ABCB5: variants seen among roughly 807,000 people sequenced by gnomAD.
ABCB5 encodes the protein ATP-binding cassette sub-family B member 5.
Under a neutral mutation model 144.2 loss-of-function variants are expected in ABCB5, and 155 were observed. The observed-to-expected ratio is 1.08, with a 90% CI of 0.94 to 1.23. The LOEUF (loss-of-function observed/expected upper bound fraction) is 1.23, where lower values mean the gene tolerates loss of function less well. Ranked by LOEUF, ABCB5 falls within the 50% of genes most tolerant of loss-of-function variation. The pLI is 0.00. For missense variants in ABCB5, 1,830 were observed against 1,520.8 expected, an observed-to-expected ratio of 1.20 and a Z score of -3.38; for synonymous variants, 610 against 528.6, an observed-to-expected ratio of 1.15 and a Z score of -2.11.
chr7:20,635,672 G>T (rs67238775), intron 5 of ABCB5, among the ~76,000 whole-genome samples: 5 of 151,896 alleles, frequency 3.3e-5, no homozygotes, highest in Admixed American at 1.3e-4. Context: ...TATTGTAAAT[G>T]GGATTGATTT....
At chr7:20,718,857 T>C (rs1214636609) in intron 20 of ABCB5, among the ~76,000 whole-genome samples, 15 of 152,100 alleles carry the variant, frequency 9.9e-5, no homozygotes, top group Non-Finnish European at 4.4e-5. Context: ...AATTACACCT[T>C]TTAAGGTGTA....
At chr7:20,709,656 G>A (rs62453367) in intron 20 of ABCB5, among the ~76,000 whole-genome samples, 34,583 of 149,638 alleles carry the variant, frequency 0.23, 6,257 homozygotes, top group Middle Eastern at 0.36. Context: ...TTCTAACCAC[G>A]TCACTGAGAT....
chr7:20,667,061 A>G (rs752444770), intron 14 of ABCB5: 1 of 546,002 alleles, frequency 1.8e-6, no homozygotes, highest in Non-Finnish European at 2.5e-6. Flanking sequence ...AGTACACTTG[A>G]TAGTACCTTG....
Position 20,753,078 on chromosome 7 carries a change from A to G in ABCB5, c.3430-282A>G, listed in dbSNP as rs138829726. Among the ~76,000 whole-genome samples the G allele has an allele frequency of 2.1e-3, 319 of 152,324 alleles. 5 individuals are homozygous for G. Among genetic ancestry groups the G allele is most frequent in the African/African-American group, 7.5e-3 (313 of 41,568 alleles). ...GTTTACTGTGAACTTGTTTCTTGCC[A>G]GTAATTTTTTTCTTATGCTTTAATT... On this transcript the variant is annotated intron_variant, in intron 26 of 27. Transcript: ENST00000404938.
At chr7:20,710,520 A>G (rs573644051) in intron 20 of ABCB5, among the ~76,000 whole-genome samples, 1 of 149,724 alleles carries the variant, frequency 6.7e-6, no homozygotes, top group Non-Finnish European at 1.5e-5. Flanking sequence ...TATAAAAAAC[A>G]TTCTTATCTT....
At chr7:20,703,970 C>T (rs1036148087) in intron 19 of ABCB5, among the ~76,000 whole-genome samples, 3 of 149,264 alleles carry the variant, frequency 2.0e-5, no homozygotes, top group African/African-American at 7.4e-5. Flanking sequence ...CAGGGAAAAT[C>T]TTTATTATAT....
At chr7:20,688,882 C>T (rs1302730730) in intron 16 of ABCB5, among the ~76,000 whole-genome samples, 1 of 151,886 alleles carries the variant, frequency 6.6e-6, no homozygotes, top group African/African-American at 2.4e-5. Flanking sequence ...AAACCAAACA[C>T]GGCATGTTCT....
chr7:20,681,358 C>T, intron 14 of ABCB5, 147 bp from the exon 15 acceptor site: 1 of 743,300 alleles, frequency 1.3e-6, no homozygotes, highest in Non-Finnish European at 2.1e-6. Flanking sequence ...AACTCGTGAC[C>T]TCAGGTGATC....
At chr7:20,738,753 A>G (rs183197804) in intron 23 of ABCB5, among the ~76,000 whole-genome samples, 1 of 152,290 alleles carries the variant, frequency 6.6e-6, no homozygotes, top group East Asian at 1.9e-4. Flanking sequence ...TGGAAGAGAC[A>G]TTTTTAAGAT....
At chr7:20,654,475 T>A (rs879608491) in intron 13 of ABCB5, among the ~76,000 whole-genome samples, 3 of 152,134 alleles carry the variant, frequency 2.0e-5, no homozygotes, top group Non-Finnish European at 4.4e-5. Flanking sequence ...AGAATATAGA[T>A]GAACAATACT....
rs758142743 is a variant in ABCB5, at chr7:20,647,626, A to T, written c.1073A>T (p.His358Leu). 1.3e-6 allele frequency: 2 copies of T among 1,575,194 alleles called. No homozygotes were observed. Among genetic ancestry groups the T allele is most frequent in the South Asian group, 1.2e-5 (1 of 85,776 alleles). Residue 358 changes from histidine (H) to leucine (L), a missense_variant, in exon 10 of 28, where the codon CAT (histidine) becomes CTT (leucine). Transcript: ENST00000404938. ...TFAIARGAAF[H>L]IFQVIDKKPS... ...GCAATAGCCCGAGGAGCTGCCTTTC[A>T]TATTTTCCAGGTTATTGATAAGGTA...
chr7:20,646,738 A>T (rs1784420769), intron 9 of ABCB5, among the ~76,000 whole-genome samples: 1 of 152,216 alleles, frequency 6.6e-6, no homozygotes, highest in Non-Finnish European at 1.5e-5. Context: ...TGTCTTGAGG[A>T]ACCAAAATGA....
At chr7:20,647,361 G>C (rs779227527) in intron 9 of ABCB5, 174 bp from the exon 10 acceptor site, 101 of 1,338,510 alleles carry the variant, frequency 7.5e-5, no homozygotes, top group Admixed American at 1.5e-4. Flanking sequence ...TCGGCCTTTT[G>C]GCTAAGATCA....
At chr7:20,634,323 T>G (rs932808138) in intron 5 of ABCB5, among the ~76,000 whole-genome samples, 5 of 151,904 alleles carry the variant, frequency 3.3e-5, no homozygotes, top group African/African-American at 4.8e-5. Flanking sequence ...GTTGAGTCCA[T>G]ATCTTTGCTA....
chr7:20,663,162 C>T (rs941260150), intron 14 of ABCB5, among the ~76,000 whole-genome samples: 1 of 152,166 alleles, frequency 6.6e-6, no homozygotes, highest in Non-Finnish European at 1.5e-5. Context: ...ATTACACTGC[C>T]GGGAGGTGGA....
intron 5 of ABCB5, among the ~76,000 whole-genome samples, chr7:20,635,435 T>C (rs181852985): frequency 2.2e-4 from 34 of 151,942 alleles, no homozygotes; most frequent in African/African-American, 7.7e-4. Flanking sequence ...TCTTTTCTAA[T>C]TCTGTGAAAA....
At position 20,713,307 on chromosome 7, in the gene ABCB5, C is replaced by A. The variant is rs1211713693; in HGVS notation, c.2421+8500C>A. Reference sequence around the variant, plus strand: ...CAAGTGCAGTGGCATGAACACAGTTCACTGTATCCTTGACTTGGGAGCAGG... The same window carrying A: ...CAAGTGCAGTGGCATGAACACAGTTAACTGTATCCTTGACTTGGGAGCAGG... On this transcript the variant is annotated intron_variant, in intron 20 of 27. Coordinates refer to ENST00000404938, the MANE Select transcript of ABCB5 (RefSeq NM_001163941.2). Among the ~76,000 whole-genome samples, 2 of 148,866 alleles carry A rather than the reference C, an allele frequency of 1.3e-5. 1 individual carries two copies. Among genetic ancestry groups the A allele is most frequent in the East Asian group, 4.0e-4 (2 of 5,008 alleles).
chr7:20,640,526 T>A (rs1388206993), intron 5 of ABCB5, among the ~76,000 whole-genome samples: 2 of 152,174 alleles, frequency 1.3e-5, no homozygotes, highest in African/African-American at 4.8e-5. Context: ...CAGTTCAGTG[T>A]GATGCTTGGG....
chr7:20,731,067 TAAG>T (rs928889006), intron 23 of ABCB5, among the ~76,000 whole-genome samples: 44 of 150,772 alleles, frequency 2.9e-4, no homozygotes, highest in Admixed American at 1.3e-3. Context: ...TAAAAAAAAA[TAAG>T]AAGGCCAGGC....
Sources: allele counts gnomAD v4.1 joint callset (sites outside exome capture counted in the v4.1 genomes callset), GRCh38; gene constraint gnomAD v4.1.1; transcripts MANE v1.5; gene names NCBI Gene and HGNC (gene_info 2026-07-23, HGNC 2026-07-21).